The following FOXP1 variants were observed in gnomAD, a reference collection of about 807,000 sequenced individuals.
FOXP1 encodes the protein forkhead box P1, also known as forkhead box protein P1.
Under a neutral mutation model 98.2 loss-of-function variants are expected in FOXP1, and 15 were observed. The ratio of observed to expected loss-of-function variants is 0.15; its 90% confidence interval spans 0.10 to 0.24. The LOEUF is 0.24. Among genes scored for constraint, FOXP1 ranks in the 10% least tolerant of loss-of-function variants. The pLI is 1.00. For synonymous variants in FOXP1, 371 were observed against 314.5 expected (o/e 1.18, Z -1.90); for missense variants, 633 against 848.5 (o/e 0.75, Z 3.15).
intron 4 of FOXP1, among the ~76,000 whole-genome samples, chr3:71,308,419 A>G (rs2107607391): frequency 6.6e-6 from 1 of 152,362 alleles, no homozygotes; most frequent in South Asian, 2.1e-4. Context: ...GCTGCTGATT[A>G]TCTTCTTATA....
intron 2 of FOXP1, among the ~76,000 whole-genome samples, chr3:71,563,336 C>A (rs899937825): frequency 6.6e-6 from 1 of 152,052 alleles, no homozygotes. Context: ...CATGGAGAGG[C>A]CCCCTAGGAT....
chr3:71,225,971 A>T (rs534114284), intron 5 of FOXP1, among the ~76,000 whole-genome samples: 4 of 152,218 alleles, frequency 2.6e-5, no homozygotes, highest in African/African-American at 9.6e-5. Context: ...TACCAAAAAA[A>T]ACTTTCACTT....
chr3:71,387,586 C>T (rs902583080), intron 3 of FOXP1, among the ~76,000 whole-genome samples: 1 of 152,206 alleles, frequency 6.6e-6, no homozygotes, highest in African/African-American at 2.4e-5. Flanking sequence ...TAATCTGTCT[C>T]TTTGAATTCA....
Position 70,956,052 on chromosome 3 carries a change from T to C in FOXP1, c.*3195A>G, listed in dbSNP as rs2031708244. 4.3e-6 allele frequency: 1 copy of C among 233,030 alleles called. No homozygotes were observed. The highest frequency in any genetic ancestry group is 8.5e-6 in the Non-Finnish European group (1 of 118,030). 14.4% of individuals were successfully genotyped at this position (233,030 alleles called of 1,614,324 possible). ...TATTCTGCAATTCCGTTACATACAG[T>C]AGTTTTTTTTCCAAAGCTATTTTTT... is the stretch of plus-strand genomic sequence containing the variant. On this transcript the variant is annotated 3_prime_UTR_variant, in exon 21 of 21. Coordinates refer to ENST00000649528, the MANE Select transcript of FOXP1 (RefSeq NM_001349338.3).
At chr3:71,476,187 T>C (rs1424743654) in intron 3 of FOXP1, among the ~76,000 whole-genome samples, 1 of 152,248 alleles carries the variant, frequency 6.6e-6, no homozygotes, top group Non-Finnish European at 1.5e-5. Context: ...AATCAGGTTA[T>C]AATCCATGAG....
chr3:71,386,314 C>CA (rs2080567687), intron 3 of FOXP1, among the ~76,000 whole-genome samples: 1 of 152,244 alleles, frequency 6.6e-6, no homozygotes. Flanking sequence ...GCAATAGAGT[C>CA]AGTCCTCAAA....
chr3:71,334,985 G>T (rs1268571136), intron 4 of FOXP1: 1 of 152,180 alleles, frequency 6.6e-6, no homozygotes, highest in Non-Finnish European at 1.5e-5. Context: ...AATGCAAAGA[G>T]TGAGTGGCTC....
chr3:71,358,422 T>C (rs1257763282), intron 4 of FOXP1, among the ~76,000 whole-genome samples: 1 of 152,134 alleles, frequency 6.6e-6, no homozygotes, highest in Non-Finnish European at 1.5e-5. Context: ...CCCAATGTGA[T>C]TAAAAAGGTG....
At chr3:70,984,582 G>A (rs1347806998) in intron 14 of FOXP1, among the ~76,000 whole-genome samples, 1 of 152,198 alleles carries the variant, frequency 6.6e-6, no homozygotes, top group East Asian at 1.9e-4. Flanking sequence ...TGTCACGTAT[G>A]TCACATGCTC....
At chr3:71,582,853 CG>C in intron 1 of FOXP1, 1 of 960,490 alleles carries the variant, frequency 1.0e-6, no homozygotes, top group Non-Finnish European at 1.2e-6. Flanking sequence ...CGCTGACTCT[CG>C]GGGTAACGCG....
chr3:71,437,342 G>A (rs1295205872), intron 3 of FOXP1, among the ~76,000 whole-genome samples: 1 of 152,174 alleles, frequency 6.6e-6, no homozygotes, highest in Admixed American at 6.5e-5. Context: ...GGGAAGTTGA[G>A]GCTGCAGTCA....
intron 11 of FOXP1, among the ~76,000 whole-genome samples, chr3:71,020,613 G>C (rs2045286437): frequency 6.6e-6 from 1 of 152,190 alleles, no homozygotes; most frequent in African/African-American, 2.4e-5. Context: ...TGGTAACTAA[G>C]AGGGAAGAAT....
intron 2 of FOXP1, among the ~76,000 whole-genome samples, chr3:71,543,930 T>C (rs1483783589): frequency 1.3e-5 from 2 of 151,596 alleles, no homozygotes; most frequent in Admixed American, 6.6e-5. Flanking sequence ...TTTGTAAAGA[T>C]ATGAAATTCT....
intron 7 of FOXP1, among the ~76,000 whole-genome samples, chr3:71,069,282 A>G (rs760870172): frequency 7.2e-5 from 11 of 152,242 alleles, no homozygotes; most frequent in Admixed American, 5.2e-4. Flanking sequence ...TGACATGTCA[A>G]CATTCAGGTG....
intron 2 of FOXP1, among the ~76,000 whole-genome samples, chr3:71,566,952 C>T (rs2046960338): frequency 6.6e-6 from 1 of 152,124 alleles, no homozygotes; most frequent in African/African-American, 2.4e-5. Context: ...TCAGTCTCTC[C>T]CTCACCTCAC....
At chr3:71,205,047 G>A (rs1399129760) in intron 5 of FOXP1, among the ~76,000 whole-genome samples, 1 of 152,156 alleles carries the variant, frequency 6.6e-6, no homozygotes, top group African/African-American at 2.4e-5. Flanking sequence ...AAGCATGGCA[G>A]TTCAAAAAGT....
Position 71,558,866 on chromosome 3 carries a change from G to A in FOXP1, c.-298+22683C>T, listed in dbSNP as rs371575799. Among the ~76,000 whole-genome samples, 15 of 146,606 alleles carry A rather than the reference G, an allele frequency of 1.0e-4. 1 individual carries two copies. The East Asian group carries it at 1.6e-3, about 15-fold the overall frequency. On this transcript the variant is annotated intron_variant, in intron 2 of 20. Transcript: ENST00000649528. The stretch of plus-strand genomic sequence containing the variant: ...CGCCCAGGCTGGAGTGCACTGGTGC[G>A]ATCTTGGCTCACTGCAACCTCTGCC...
intron 2 of FOXP1, among the ~76,000 whole-genome samples, chr3:71,531,730 T>C (rs1220347815): frequency 6.6e-6 from 1 of 152,196 alleles, no homozygotes; most frequent in Non-Finnish European, 1.5e-5. Flanking sequence ...CCAAAGATGT[T>C]TGGGATGGGC....
intron 6 of FOXP1, among the ~76,000 whole-genome samples, chr3:71,151,099 C>G (rs1467492500): frequency 6.6e-6 from 1 of 152,196 alleles, no homozygotes; most frequent in Non-Finnish European, 1.5e-5. Flanking sequence ...CTTCTTAGCC[C>G]CTTGTTACCA....
Sources: gnomAD v4.1 joint callset for allele counts (sites outside exome capture counted in the v4.1 genomes callset) on GRCh38, gnomAD v4.1.1 for gene constraint, MANE v1.5 for transcripts, NCBI Gene and HGNC (gene_info 2026-07-23, HGNC 2026-07-21) for gene names.